The following ADCY1 variants were observed in gnomAD, a reference collection of about 807,000 sequenced individuals.
ADCY1 encodes adenylate cyclase type 1.
In ADCY1, 28 loss-of-function variants were observed where a neutral mutation model predicts 105.4. The ratio of observed to expected loss-of-function variants is 0.27; its 90% CI spans 0.20 to 0.36. ADCY1 has a LOEUF of 0.36. Among genes scored for constraint, ADCY1 ranks in the 10% least tolerant of loss-of-function variants. The pLI, the probability that ADCY1 is intolerant of heterozygous loss-of-function variation, is 1.00. For missense variants in ADCY1, 977 were observed against 1,434.2 expected (o/e 0.68, Z 5.15); for synonymous variants, 655 against 623.8 (o/e 1.05, Z -0.75).
intron 1 of ADCY1, among the ~76,000 whole-genome samples, chr7:45,580,596 G>A (rs1037257971): frequency 2.0e-5 from 3 of 152,230 alleles, no homozygotes; most frequent in African/African-American, 4.8e-5. Context: ...GTGCACAGGG[G>A]ACAGACCAGG....
chr7:45,597,303 C>T (rs1329843117), intron 2 of ADCY1, among the ~76,000 whole-genome samples: 4 of 152,326 alleles, frequency 2.6e-5, no homozygotes, highest in African/African-American at 4.8e-5. Context: ...TGGAGGCCAC[C>T]GGCTTTCACG....
chr7:45,707,191 A>G (rs957652729), intron 17 of ADCY1, among the ~76,000 whole-genome samples: 9 of 152,180 alleles, frequency 5.9e-5, no homozygotes, highest in Admixed American at 3.3e-4. Flanking sequence ...TGATCCAGCA[A>G]TTGCACTTTT....
intron 5 of ADCY1, among the ~76,000 whole-genome samples, chr7:45,655,583 T>C (rs1316409922): frequency 2.0e-5 from 3 of 152,346 alleles, no homozygotes; most frequent in Non-Finnish European, 4.4e-5. Flanking sequence ...TAGAAGTAAC[T>C]GTTCAGTTAA....
In ADCY1 at chr7:45,575,195, G is replaced by A. The variant is rs1285847297; in HGVS notation, c.639+13G>A. ...TCTCTGGAGGACGGTAAGTGCAGCC[G>A]CGCACCCCTCATCTGGTCTCGGACA... On this transcript the variant is annotated intron_variant, in intron 1 of 19. Transcript: ENST00000297323. This position sits in a 1 kb window ranked among gnomAD's most constrained non-coding sequence, Gnocchi z 4.7. 2.5e-6 allele frequency: 4 copies of A among 1,578,586 alleles called. No homozygotes were observed. Among genetic ancestry groups the A allele is most frequent in the Non-Finnish European group, 3.4e-6 (4 of 1,163,182 alleles).
intron 1 of ADCY1, among the ~76,000 whole-genome samples, chr7:45,581,625 A>G (rs1411823371): frequency 6.6e-6 from 1 of 152,132 alleles, no homozygotes; most frequent in Non-Finnish European, 1.5e-5. Context: ...TTTGGGCAGG[A>G]GAAGCAGCCT....
Position 45,714,915 on chromosome 7 carries a change from A to T in ADCY1, c.*920A>T, listed in dbSNP as rs1785334383. 1 of 152,222 alleles carries T rather than the reference A, an allele frequency of 6.6e-6. No individual in the cohort carries two copies. The highest frequency in any genetic ancestry group is 1.5e-5 in the Non-Finnish European group (1 of 68,050). The allele number at this position is 152,222 out of a possible 1,614,324, so 9.4% of individuals were successfully genotyped here. A position where few individuals can be genotyped will look rare whatever the true frequency, so the allele number is the denominator to read the frequency against. On this transcript the variant is annotated 3_prime_UTR_variant, in exon 20 of 20. Coordinates refer to ENST00000297323, the MANE Select transcript of ADCY1 (RefSeq NM_021116.4). ...TCGTGGATCCTTTACATTTAGCAAC[A>T]ACAGTGTGAGGCTCCACTTCTGTTG...
At chr7:45,677,357 G>A (rs1400782610) in intron 8 of ADCY1, among the ~76,000 whole-genome samples, 1 of 152,114 alleles carries the variant, frequency 6.6e-6, no homozygotes, top group African/African-American at 2.4e-5. Context: ...TTGGCAAATG[G>A]GTGCTTTCTC....
At chr7:45,592,730 C>A in intron 1 of ADCY1, 29 bp from the exon 2 acceptor site, 1 of 1,613,476 alleles carries the variant, frequency 6.2e-7, no homozygotes, top group Admixed American at 1.7e-5. Flanking sequence ...ATGTCAGGCT[C>A]CACATGTTGC....
rs1785203732 is a variant in ADCY1 at position 45,710,443 on chromosome 7, G to C, written c.2933-85G>C. The C allele has an allele frequency of 6.5e-7, 1 of 1,542,634 alleles. No homozygotes were observed. Among genetic ancestry groups the C allele is most frequent in the Non-Finnish European group, 8.8e-7 (1 of 1,140,292 alleles). Reference sequence around the variant, plus strand: ...AGGAGCAGCCTTTTCTCCACCAGGAGCAGCATCAGGTGCATTTGGTGGCCC... The same window carrying C: ...AGGAGCAGCCTTTTCTCCACCAGGACCAGCATCAGGTGCATTTGGTGGCCC... On this transcript the variant is annotated intron_variant, in intron 18 of 19. Transcript: ENST00000297323. This position sits in a 1 kb window ranked among gnomAD's most constrained non-coding sequence, Gnocchi z 4.7.
At chr7:45,626,512 C>T (rs1794065225) in intron 4 of ADCY1, among the ~76,000 whole-genome samples, 1 of 152,166 alleles carries the variant, frequency 6.6e-6, no homozygotes, top group Admixed American at 6.5e-5. Context: ...GATATCATTA[C>T]AGCTGCAAGA....
At chr7:45,699,773 C>A (rs1421522406) in intron 14 of ADCY1, among the ~76,000 whole-genome samples, 4 of 152,136 alleles carry the variant, frequency 2.6e-5, no homozygotes, top group South Asian at 2.1e-4. Flanking sequence ...CAGTCGCAGG[C>A]CTTCTGAGGG....
intron 3 of ADCY1, among the ~76,000 whole-genome samples, chr7:45,619,739 T>C (rs1793840701): frequency 6.6e-6 from 1 of 151,932 alleles, no homozygotes; most frequent in African/African-American, 2.4e-5. Flanking sequence ...CAGAGGAAAA[T>C]GGGGTGATGT....
chr7:45,586,485 G>T (rs1222541659), intron 1 of ADCY1, among the ~76,000 whole-genome samples: 1 of 152,190 alleles, frequency 6.6e-6, no homozygotes, highest in Non-Finnish European at 1.5e-5. Flanking sequence ...GTGATTTCTT[G>T]AGTACCCATC....
chr7:45,626,457 A>G (rs1794063950), intron 4 of ADCY1, among the ~76,000 whole-genome samples: 1 of 152,052 alleles, frequency 6.6e-6, no homozygotes, highest in African/African-American at 2.4e-5. Flanking sequence ...GTTCTTGGGG[A>G]CGCTGTTTCT....
Position 45,610,623 on chromosome 7 carries a change from G to T in ADCY1, c.908+126G>T. 6.2e-6 allele frequency: 5 copies of T among 806,676 alleles called. No individual in the cohort carries two copies. The South Asian group carries it at 6.3e-5, about 10-fold the overall frequency. The allele number at this position is 806,676 out of a possible 1,614,324, so 50.0% of individuals were successfully genotyped here. A position where few individuals can be genotyped will look rare whatever the true frequency, so the allele number is the denominator to read the frequency against. On this transcript the variant is annotated intron_variant, in intron 3 of 19. Transcript: ENST00000297323. ...GGATGGAGGTGGGGAAAGAATGGGG[G>T]TGTGGAGGTAATGGTGAAGGTGGGG... is the stretch of plus-strand genomic sequence containing the variant.
At chr7:45,676,544 C>T (rs933258423) in intron 8 of ADCY1, among the ~76,000 whole-genome samples, 8 of 152,100 alleles carry the variant, frequency 5.3e-5, no homozygotes, top group Admixed American at 1.3e-4. Context: ...GGTGGAATTC[C>T]GGGTTTCCCA....
intron 1 of ADCY1, among the ~76,000 whole-genome samples, chr7:45,580,164 C>A (rs1026826504): frequency 6.6e-6 from 1 of 152,190 alleles, no homozygotes; most frequent in Non-Finnish European, 1.5e-5. Flanking sequence ...TCCTGGGCAT[C>A]GGGCCAGGGG....
In ADCY1 at chr7:45,591,694, C is replaced by G. The variant is rs1231253137; in HGVS notation, c.640-1065C>G. On this transcript the variant is annotated intron_variant, in intron 1 of 19. Coordinates refer to ENST00000297323, the MANE Select transcript of ADCY1 (RefSeq NM_021116.4). This position sits in a 1 kb window ranked among gnomAD's most constrained non-coding sequence, Gnocchi z 4.1. The stretch of plus-strand genomic sequence containing the variant: ...GGACATGCCATGGCCCTGCATGGCT[C>G]GTCAGAGTTGCCTGTGTCCAGACCC... Among the ~76,000 whole-genome samples, 1 of 152,246 alleles carries G rather than the reference C, an allele frequency of 6.6e-6. No homozygotes were observed. The highest frequency in any genetic ancestry group is 1.5e-5 in the Non-Finnish European group (1 of 68,050).
chr7:45,583,948 T>TTTG lies in ADCY1; in HGVS notation c.639+8768_639+8769insGTT, dbSNP rs1792641968. The stretch of plus-strand genomic sequence containing the variant: ...AGCCACTGTGCCCTGTTTTTTTTTT[T>TTTG]TTTTTTTTTTTTTTTTTCAGACAAA... On this transcript the variant is annotated intron_variant, in intron 1 of 19. Coordinates refer to ENST00000297323, the MANE Select transcript of ADCY1 (RefSeq NM_021116.4). Among the ~76,000 whole-genome samples the TTTG allele has an allele frequency of 2.2e-5, 3 of 138,076 alleles. 1 individual carries two copies. The highest frequency in any genetic ancestry group is 8.0e-5 in the African/African-American group (3 of 37,322). 90.6% of individuals were successfully genotyped at this position (138,076 alleles called of 152,430 possible). A position where few individuals can be genotyped will look rare whatever the true frequency, so the allele number is the denominator to read the frequency against.
Sources: allele counts gnomAD v4.1 joint callset (sites outside exome capture counted in the v4.1 genomes callset), GRCh38; gene constraint gnomAD v4.1.1; non-coding constraint Gnocchi (gnomAD v3.1); transcripts MANE v1.5; gene names NCBI Gene and HGNC (gene_info 2026-07-23, HGNC 2026-07-21).